The following ZNF25 variants were observed in gnomAD, a reference collection of about 807,000 sequenced individuals.
ZNF25 encodes zinc finger protein 25 (KOX 19).
A neutral mutation model predicts 30.9 loss-of-function variants in ZNF25; 21 were observed. The ratio of observed to expected loss-of-function variants is 0.68; its 90% CI spans 0.48 to 0.98. ZNF25 has a LOEUF of 0.98. ZNF25 is among the 50% of genes least tolerant of loss of function. The pLI is 0.00. For synonymous variants in ZNF25, 169 were observed against 181.3 expected (o/e 0.93, Z 0.55); for missense variants, 501 against 529.9 (o/e 0.95, Z 0.54).
chr10:37,966,772 C>A (rs996461453), intron 2 of ZNF25, among the ~76,000 whole-genome samples: 1 of 152,018 alleles, frequency 6.6e-6, no homozygotes, highest in Admixed American at 6.6e-5. Flanking sequence ...CAGAGCCAAA[C>A]CATATCACGG....
Position 37,952,240 on chromosome 10 carries a change from G to A in ZNF25, c.1258C>T (p.His420Tyr). 6.2e-7 allele frequency: 1 copy of A among 1,614,092 alleles called. No homozygotes were observed. Among genetic ancestry groups the A allele is most frequent in the South Asian group, 1.1e-5 (1 of 91,080 alleles). Residue 420 changes from histidine to tyrosine, a missense_variant, in exon 6 of 6, where the codon CAC (histidine) becomes TAC (tyrosine). His to Tyr is a moderately conservative substitution (Grantham distance 83, BLOSUM62 2). Coordinates refer to ENST00000302609, the MANE Select transcript of ZNF25 (RefSeq NM_145011.4). ...CACTCATAGGGCTTCTCCCCTGTGT[G>A]TTTTCTCTGATGTATAATAAAATGT... ...KSHFIIHQRK[H>Y]TGEKPYECQE...
rs1423283388 is a variant in ZNF25, at chr10:37,950,408, T to C, written c.*1719A>G. 1 of 152,580 alleles carries C rather than the reference T, an allele frequency of 6.6e-6. No homozygotes were observed. Among genetic ancestry groups the C allele is most frequent in the Non-Finnish European group, 1.5e-5 (1 of 68,040 alleles). The allele number at this position is 152,580 out of a possible 1,614,324, so 9.5% of individuals were successfully genotyped here. ...GCTTGCAGGATACAAAAATGGGTAG[T>C]GGGCCAGATCTGTCTGATGGACTGT... On this transcript the variant is annotated 3_prime_UTR_variant, in exon 6 of 6. Coordinates refer to ENST00000302609, the MANE Select transcript of ZNF25 (RefSeq NM_145011.4).
At position 37,976,499 on chromosome 10, in the gene ZNF25, G is replaced by GAC. The variant is rs2063828785; in HGVS notation, c.-86+5_-86+6dup. ...GCCCTGCCCGCCCGCAAAAGCCTTC[G>GAC]ACACACCTGCAGGGTCTCGGCCTCT... On this transcript the variant is annotated splice_region_variant and intron_variant, in intron 1 of 5. Transcript: ENST00000302609. 1 of 152,274 alleles carries GAC rather than the reference G, an allele frequency of 6.6e-6. No individual in the cohort carries two copies. Among genetic ancestry groups the GAC allele is most frequent in the Admixed American group, 6.5e-5 (1 of 15,288 alleles). The allele number at this position is 152,274 out of a possible 1,614,324, so 9.4% of individuals were successfully genotyped here. A position where few individuals can be genotyped will look rare whatever the true frequency, so the allele number is the denominator to read the frequency against.
At position 37,950,977 on chromosome 10, in the gene ZNF25, A is replaced by G. The variant is rs952059250; in HGVS notation, c.*1150T>C. ...ATTGCACTATTTGTTTTCATTGTGGAGATTGTAATAAATACTACTGTTTTT... is the reference window on the plus strand; with the variant it reads ...ATTGCACTATTTGTTTTCATTGTGGGGATTGTAATAAATACTACTGTTTTT... On this transcript the variant is annotated 3_prime_UTR_variant, in exon 6 of 6. Coordinates refer to ENST00000302609, the MANE Select transcript of ZNF25 (RefSeq NM_145011.4). 2 of 152,212 alleles carry G rather than the reference A, an allele frequency of 1.3e-5. No individual in the cohort carries two copies. The highest frequency in any genetic ancestry group is 4.8e-5 in the African/African-American group (2 of 41,452). 9.4% of individuals were successfully genotyped at this position (152,212 alleles called of 1,614,324 possible).
chr10:37,975,166 A>G (rs1277150822), intron 1 of ZNF25, among the ~76,000 whole-genome samples: 1 of 152,208 alleles, frequency 6.6e-6, no homozygotes, highest in African/African-American at 2.4e-5. Context: ...AAATACAGTT[A>G]GGTAGAAGGA....
chr10:37,956,396 T>C (rs1009209711), intron 4 of ZNF25, among the ~76,000 whole-genome samples: 3 of 152,176 alleles, frequency 2.0e-5, no homozygotes, highest in Non-Finnish European at 4.4e-5. Flanking sequence ...TTGCATACTC[T>C]AATGGCAGGG....
In ZNF25 at chr10:37,957,507, T is replaced by C. The variant is rs1208166753; in HGVS notation, c.55A>G (p.Lys19Glu). 1.2e-6 allele frequency: 2 copies of C among 1,613,954 alleles called. No homozygotes were observed. Among genetic ancestry groups the C allele is most frequent in the East Asian group, 2.2e-5 (1 of 44,854 alleles). ...TLKDVIVEFTKEEWKLLTPAQ... is the reference protein window; with the variant it reads ...TLKDVIVEFTEEEWKLLTPAQ... ...GGGGTCAGTAACTTCCATTCTTCCT[T>C]GGTGAATTCCACAATAACATCCTTT... Residue 19 changes from lysine to glutamate, a missense_variant, in exon 3 of 6, where the codon AAG becomes GAG. Coordinates refer to ENST00000302609, the MANE Select transcript of ZNF25 (RefSeq NM_145011.4).
intron 2 of ZNF25, among the ~76,000 whole-genome samples, chr10:37,963,808 C>T (rs1432369929): frequency 1.3e-5 from 2 of 152,142 alleles, no homozygotes; most frequent in African/African-American, 4.8e-5. Context: ...AACCCTGTCT[C>T]TACTAAAAAT....
chr10:37,959,606 T>G (rs1388790022), intron 2 of ZNF25, among the ~76,000 whole-genome samples: 2 of 150,308 alleles, frequency 1.3e-5, no homozygotes, highest in Admixed American at 1.3e-4. Context: ...TCTTGGTTCA[T>G]TTTTTTTTTC....
At position 37,953,771 on chromosome 10, in the gene ZNF25, C is replaced by A. The variant is rs755986367; in HGVS notation, c.239-13G>T. On this transcript the variant is annotated splice_polypyrimidine_tract_variant and intron_variant, in intron 4 of 5. Coordinates refer to ENST00000302609, the MANE Select transcript of ZNF25 (RefSeq NM_145011.4). ...CTCCATAGGTCTTCTACAAGGGAAC[C>A]AAAAATGTAATACTTTATAAATACT... 21 of 1,608,322 alleles carry A rather than the reference C, an allele frequency of 1.3e-5. No individual in the cohort carries two copies. Among genetic ancestry groups the A allele is most frequent in the South Asian group, 1.1e-5 (1 of 90,766 alleles).
intron 2 of ZNF25, among the ~76,000 whole-genome samples, chr10:37,962,940 C>T (rs985340970): frequency 6.6e-6 from 1 of 151,952 alleles, no homozygotes; most frequent in African/African-American, 2.4e-5. Context: ...CCTTTCAACA[C>T]GAGTGATTTC....
chr10:37,956,965 G>T, intron 4 of ZNF25, 55 bp downstream of exon 4: 1 of 1,285,624 alleles, frequency 7.8e-7, no homozygotes, highest in South Asian at 1.3e-5. Flanking sequence ...ACTTCAGAAG[G>T]CAAGAGGCAC....
intron 1 of ZNF25, among the ~76,000 whole-genome samples, chr10:37,972,654 C>T (rs1590340456): frequency 6.6e-6 from 1 of 152,254 alleles, no homozygotes; most frequent in Admixed American, 6.5e-5. Context: ...ACAAGCACTT[C>T]ATATAGGTAG....
At position 37,964,104 on chromosome 10, in the gene ZNF25, C is replaced by T. The variant is rs182992962; in HGVS notation, c.16-6558G>A. On this transcript the variant is annotated intron_variant, in intron 2 of 5. Transcript: ENST00000302609. The stretch of plus-strand genomic sequence containing the variant: ...TGCCCTAAGTAAAAGCTCCCTGAGG[C>T]CTCACCAGAAGCTGAGCAGATGCCA... Among the ~76,000 whole-genome samples the T allele has an allele frequency of 2.0e-3, 302 of 152,286 alleles. 1 individual carries two copies. Among genetic ancestry groups the T allele is most frequent in the Non-Finnish European group, 2.9e-3 (199 of 68,032 alleles).
intron 2 of ZNF25, among the ~76,000 whole-genome samples, chr10:37,960,623 C>A (rs75941060): frequency 1.9e-3 from 122 of 65,688 alleles, no homozygotes; most frequent in South Asian, 3.5e-3. Context: ...GACTCCATCT[C>A]AAAAAAAAAA....
intron 1 of ZNF25, among the ~76,000 whole-genome samples, chr10:37,975,799 C>T (rs553632035): frequency 4.2e-4 from 64 of 152,268 alleles, no homozygotes; most frequent in African/African-American, 1.4e-3. Flanking sequence ...TCAAGTACAC[C>T]ACACAGCTAC....
chr10:37,968,320 T>C (rs2063300271), intron 2 of ZNF25, among the ~76,000 whole-genome samples: 1 of 151,746 alleles, frequency 6.6e-6, no homozygotes, highest in African/African-American at 2.4e-5. Context: ...CCTCCCAAAG[T>C]GTTGAGATTA....
intron 2 of ZNF25, among the ~76,000 whole-genome samples, chr10:37,962,448 A>C (rs904048825): frequency 1.3e-5 from 2 of 152,190 alleles, no homozygotes; most frequent in Non-Finnish European, 2.9e-5. Flanking sequence ...TCACTGAAAG[A>C]CCATTTTCTG....
chr10:37,971,305 G>C (rs2063474052), intron 2 of ZNF25, among the ~76,000 whole-genome samples: 1 of 125,028 alleles, frequency 8.0e-6, no homozygotes, highest in Admixed American at 8.9e-5. Flanking sequence ...AACAGAGCGA[G>C]ACTCCATCTC....
Sources: gnomAD v4.1 joint callset for allele counts (sites outside exome capture counted in the v4.1 genomes callset) on GRCh38, gnomAD v4.1.1 for gene constraint, MANE v1.5 for transcripts, NCBI Gene and HGNC (gene_info 2026-07-23, HGNC 2026-07-21) for gene names.